Variants in MALT1 observed in about 807,000 individuals in gnomAD.
MALT1 encodes MALT1 paracaspase.
Under a neutral mutation model 85.5 loss-of-function variants are expected in MALT1, and 36 were observed. The ratio of observed to expected loss-of-function variants is 0.42; its 90% CI spans 0.32 to 0.56. MALT1 has a LOEUF of 0.56. Ranked by LOEUF, MALT1 falls within the 20% of genes least tolerant of loss-of-function variation. The pLI, the probability that MALT1 is intolerant of heterozygous loss-of-function variation, is 0.10. For synonymous variants in MALT1, 359 were observed against 361.3 expected, an observed-to-expected ratio of 0.99 and a Z score of 0.07; for missense variants, 716 against 981.6, an observed-to-expected ratio of 0.73 and a Z score of 3.62.
At chr18:58,689,086 A>G (rs2054455424) in intron 2 of MALT1, among the ~76,000 whole-genome samples, 1 of 152,094 alleles carries the variant, frequency 6.6e-6, no homozygotes, top group Non-Finnish European at 1.5e-5. Flanking sequence ...CAGGAGGTTG[A>G]CACTGCAGTG....
chr18:58,671,780 A>G lies in MALT1; in HGVS notation c.137A>G (p.Asp46Gly). 2 of 1,254,412 alleles carry G rather than the reference A, an allele frequency of 1.6e-6. No individual in the cohort carries two copies. The highest frequency in any genetic ancestry group is 3.0e-5 in the South Asian group (1 of 33,502). The allele number at this position is 1,254,412 out of a possible 1,614,324, so 77.7% of individuals were successfully genotyped here. Residue 46 changes from aspartate to glycine, a missense_variant, in exon 1 of 17, where the codon GAT (aspartate) becomes GGT (glycine). This residue lies in a region of MALT1 where 80 missense variants were observed against 65.1 expected (regional missense o/e 1.23). Transcript: ENST00000649217. ...CTGCGGAGGCTCAGCGAGCTCCTGGATCAGGCGCCCGAGGGCCGGGGCTGG... is the reference window on the plus strand; with the variant it reads ...CTGCGGAGGCTCAGCGAGCTCCTGGGTCAGGCGCCCGAGGGCCGGGGCTGG... ...PLLRRLSELLDQAPEGRGWRR... is the reference protein window; with the variant it reads ...PLLRRLSELLGQAPEGRGWRR...
At chr18:58,735,052 C>CCA (rs1329763326) in intron 12 of MALT1, 150 bp from the exon 13 acceptor site, 5 of 498,432 alleles carry the variant, frequency 1.0e-5, no homozygotes, top group Non-Finnish European at 1.6e-5. Flanking sequence ...CTAACAGTCC[C>CCA]CACGCTGTCC....
intron 10 of MALT1, among the ~76,000 whole-genome samples, chr18:58,728,730 A>G (rs1187518502): frequency 6.6e-6 from 1 of 152,248 alleles, no homozygotes; most frequent in African/African-American, 2.4e-5. Context: ...CACTTTTCGT[A>G]AGACATTTTG....
intron 7 of MALT1, 37 bp from the exon 8 acceptor site, chr18:58,714,046 T>C: frequency 9.8e-7 from 1 of 1,019,042 alleles, no homozygotes; most frequent in South Asian, 1.3e-5. Context: ...AATTGGTGTT[T>C]AGATTACTTA....
rs140021409 is a variant in MALT1 at position 58,747,675 on chromosome 18, A to C, written c.2308A>C (p.Asn770His). ...CCATTCACATCCTGGTAATCCAAGT[A>C]ATGTTACACCAGCAGATAGCTGTCA... is the stretch of plus-strand genomic sequence containing the variant. The part of the protein sequence containing the change: ...VYHSHPGNPS[N>H]VTPADSCHCS... The change falls in exon 17 of 17, where the codon AAT becomes CAT. Residue 770 changes from asparagine to histidine, a missense_variant. This residue lies in a region of MALT1 where 260 missense variants were observed against 323.7 expected (regional missense o/e 0.80). Coordinates refer to ENST00000649217, the MANE Select transcript of MALT1 (RefSeq NM_006785.4). 1 of 1,614,184 alleles carries C rather than the reference A, an allele frequency of 6.2e-7. No individual in the cohort carries two copies. Among genetic ancestry groups the C allele is most frequent in the Non-Finnish European group, 8.5e-7 (1 of 1,180,030 alleles).
chr18:58,734,219 G>A, intron 11 of MALT1, 88 bp from the exon 12 acceptor site: 2 of 1,135,258 alleles, frequency 1.8e-6, no homozygotes, highest in Non-Finnish European at 2.5e-6. Flanking sequence ...CTAAAAAACT[G>A]TTGTATTTTC....
At chr18:58,710,840 A>G in intron 6 of MALT1, 81 bp from the exon 7 acceptor site, 1 of 848,988 alleles carries the variant, frequency 1.2e-6, no homozygotes, top group East Asian at 2.7e-5. Context: ...TCTCTATGAT[A>G]TTGATCTCTA....
chr18:58,733,692 G>A (rs1478663625), intron 11 of MALT1, 118 bp downstream of exon 11: 1 of 846,744 alleles, frequency 1.2e-6, no homozygotes, highest in East Asian at 2.6e-5. Context: ...TTTATACATT[G>A]AAACTGGAAG....
chr18:58,736,794 T>C (rs891152996), intron 13 of MALT1, among the ~76,000 whole-genome samples: 10 of 152,230 alleles, frequency 6.6e-5, no homozygotes, highest in Non-Finnish European at 1.5e-4. Flanking sequence ...CACACTCAGC[T>C]CAGTGCCGTG....
chr18:58,677,259 C>T (rs984339300), intron 1 of MALT1, among the ~76,000 whole-genome samples: 1 of 151,536 alleles, frequency 6.6e-6, no homozygotes, highest in Non-Finnish European at 1.5e-5. Flanking sequence ...ATCATCTGTA[C>T]TTCAATTTGA....
At chr18:58,705,229 G>T (rs921309819) in intron 4 of MALT1, among the ~76,000 whole-genome samples, 1 of 151,054 alleles carries the variant, frequency 6.6e-6, no homozygotes, top group African/African-American at 2.4e-5. Context: ...GCCCCCCATT[G>T]TATATTTGTT....
intron 15 of MALT1, 119 bp from the exon 16 acceptor site, chr18:58,745,547 A>C: frequency 1.2e-6 from 1 of 847,626 alleles, no homozygotes; most frequent in Non-Finnish European, 1.8e-6. Context: ...GATTACCAAA[A>C]TTCACGAGAG....
intron 10 of MALT1, among the ~76,000 whole-genome samples, 189 bp from the exon 11 acceptor site, chr18:58,733,208 G>C (rs1277410262): frequency 6.6e-6 from 1 of 152,168 alleles, no homozygotes; most frequent in Non-Finnish European, 1.5e-5. Flanking sequence ...GTCATGCCTG[G>C]CCTGTTGCCA....
chr18:58,681,254 A>G lies in MALT1; in HGVS notation c.294A>G (p.Glu98=). ...TGTGTCTGCTGAAGTTAATGGGTGA[A>G]AAAGGTTGCACAGTCACAGAATTGA... ...PSLCLLKLMG[E]KGCTVTELSD... is the part of the protein sequence containing the mutation. Residue 98 remains glutamate, a synonymous_variant, in exon 2 of 17, where the codon GAA becomes GAG. Coordinates refer to ENST00000649217, the MANE Select transcript of MALT1 (RefSeq NM_006785.4). 4 of 1,614,152 alleles carry G rather than the reference A, an allele frequency of 2.5e-6. No homozygotes were observed. The highest frequency in any genetic ancestry group is 3.4e-6 in the Non-Finnish European group (4 of 1,179,996).
At chr18:58,726,005 G>A (rs2055049813) in intron 10 of MALT1, among the ~76,000 whole-genome samples, 1 of 152,164 alleles carries the variant, frequency 6.6e-6, no homozygotes, top group Non-Finnish European at 1.5e-5. Context: ...AGGTTGCAGT[G>A]AGCCAAGATC....
chr18:58,739,800 TACACACATACAC>T (rs1345664882), intron 13 of MALT1, among the ~76,000 whole-genome samples: 4 of 90,386 alleles, frequency 4.4e-5, no homozygotes, highest in Non-Finnish European at 9.1e-5. Context: ...TCCCTCTATG[TACACACATACAC>T]ACACACACAC....
At chr18:58,739,883 C>CTAAT (rs1555689748) in intron 13 of MALT1, among the ~76,000 whole-genome samples, 1 of 152,186 alleles carries the variant, frequency 6.6e-6, no homozygotes, top group Non-Finnish European at 1.5e-5. Flanking sequence ...CTGGAGAACT[C>CTAAT]TAATACAGAA....
chr18:58,732,476 G>A (rs2055164109), intron 10 of MALT1, among the ~76,000 whole-genome samples: 1 of 152,072 alleles, frequency 6.6e-6, no homozygotes, highest in Non-Finnish European at 1.5e-5. Context: ...ATATCTCATA[G>A]CAAAAAGAAA....
chr18:58,741,326 C>G (rs1457458148), intron 13 of MALT1: 1 of 151,804 alleles, frequency 6.6e-6, no homozygotes, highest in Non-Finnish European at 1.5e-5. Context: ...GTATTTATAT[C>G]TTTTCTTCTC....
Sources: gnomAD v4.1 joint callset for allele counts (sites outside exome capture counted in the v4.1 genomes callset) on GRCh38, gnomAD v4.1.1 for gene constraint, gnomAD v4.1.1 regional missense constraint, MANE v1.5 for transcripts, NCBI Gene and HGNC (gene_info 2026-07-23, HGNC 2026-07-21) for gene names.